CDH12: variants seen among roughly 807,000 people sequenced by gnomAD.
CDH12 encodes cadherin 12.
Under a neutral mutation model 74.1 loss-of-function variants are expected in CDH12, and 41 were observed. The observed-to-expected ratio is 0.55, with a 90% CI of 0.43 to 0.72. CDH12 has a LOEUF of 0.72. Ranked by LOEUF, CDH12 falls within the 30% of genes least tolerant of loss-of-function variation. The pLI, the probability that CDH12 is intolerant of heterozygous loss-of-function variation, is 0.00. For synonymous variants in CDH12, 399 were observed against 355.0 expected, an observed-to-expected ratio of 1.12 and a Z score of -1.39; for missense variants, 945 against 977.2, an observed-to-expected ratio of 0.97 and a Z score of 0.44.
At chr5:22,509,113 C>T (rs780044840) in intron 1 of CDH12, among the ~76,000 whole-genome samples, 4 of 152,142 alleles carry the variant, frequency 2.6e-5, no homozygotes, top group Non-Finnish European at 4.4e-5. Context: ...GAAATATATA[C>T]ACACAATGAA....
At chr5:22,852,454 A>G (rs374779556) in intron 1 of CDH12, among the ~76,000 whole-genome samples, 2 of 152,322 alleles carry the variant, frequency 1.3e-5, no homozygotes, top group South Asian at 4.1e-4. Context: ...AATGCATATT[A>G]TATAACCCAC....
intron 1 of CDH12, among the ~76,000 whole-genome samples, chr5:22,643,455 T>C (rs1449456922): frequency 1.3e-5 from 2 of 152,170 alleles, no homozygotes; most frequent in Non-Finnish European, 2.9e-5. Flanking sequence ...TTAAATCTAT[T>C]CTAGCCTCTT....
At chr5:22,711,302 G>A (rs1418986988) in intron 1 of CDH12, among the ~76,000 whole-genome samples, 2 of 152,052 alleles carry the variant, frequency 1.3e-5, no homozygotes, top group Non-Finnish European at 2.9e-5. Flanking sequence ...TCAAACCAAG[G>A]TGGATAAGTA....
At chr5:22,810,562 T>C (rs2126446114) in intron 1 of CDH12, among the ~76,000 whole-genome samples, 1 of 152,178 alleles carries the variant, frequency 6.6e-6, no homozygotes, top group Admixed American at 6.5e-5. Context: ...CTCTAAAACC[T>C]AGAGAAGGAG....
At chr5:22,577,730 A>G (rs1739864307) in intron 1 of CDH12, among the ~76,000 whole-genome samples, 1 of 152,356 alleles carries the variant, frequency 6.6e-6, no homozygotes, top group South Asian at 2.1e-4. Context: ...AACGGGAAAC[A>G]TACTGGATTA....
chr5:21,791,586 GTAGA>G (rs1305527081), intron 10 of CDH12, among the ~76,000 whole-genome samples: 2 of 151,538 alleles, frequency 1.3e-5, no homozygotes, highest in Admixed American at 1.3e-4. Context: ...TATTTGGTGA[GTAGA>G]TGGGATTTAA....
rs1748555215 is a variant in CDH12, at chr5:21,824,568, A to G, written c.815-7436T>C. On this transcript the variant is annotated intron_variant, in intron 8 of 14. Transcript: ENST00000382254. ...TTGTCATACAATTAGTTTCCCAAAC[A>G]CAGCCTTGTTCTCTTTTCCTTTCTC... is the stretch of plus-strand genomic sequence containing the variant. 2.0e-5 allele frequency among the ~76,000 whole-genome samples: 3 copies of G among 152,188 alleles called. No homozygotes were observed. The South Asian group carries it at 6.2e-4, about 31-fold the overall frequency.
chr5:22,366,503 G>A (rs1416279904), intron 3 of CDH12, among the ~76,000 whole-genome samples: 1 of 151,914 alleles, frequency 6.6e-6, no homozygotes, highest in Non-Finnish European at 1.5e-5. Flanking sequence ...AGGTCCTTCT[G>A]GAGATAAAGT....
At chr5:21,767,962 C>T (rs1416021288) in intron 11 of CDH12, among the ~76,000 whole-genome samples, 1 of 151,538 alleles carries the variant, frequency 6.6e-6, no homozygotes, top group African/African-American at 2.4e-5. Flanking sequence ...AAGTAATGAC[C>T]TATTTTCTTA....
intron 11 of CDH12, among the ~76,000 whole-genome samples, chr5:21,778,375 A>C (rs567155212): frequency 6.8e-6 from 1 of 147,402 alleles, no homozygotes; most frequent in Admixed American, 7.0e-5. Context: ...TTACTTTATT[A>C]TATTGTTAAT....
In CDH12 at chr5:21,981,363, T is replaced by A. The variant is rs1324255173; in HGVS notation, c.232-5978A>T. 9.9e-5 allele frequency among the ~76,000 whole-genome samples: 15 copies of A among 152,210 alleles called. No homozygotes were observed. The Middle Eastern group carries it at 0.01, about 104-fold the overall frequency. On this transcript the variant is annotated intron_variant, in intron 5 of 14. Coordinates refer to ENST00000382254, the MANE Select transcript of CDH12 (RefSeq NM_004061.5). ...TCATCTGTATACTTACCTCCTAGTC[T>A]ATATATTTTTTACATACTGTTTATA...
At chr5:21,995,820 A>G (rs1244545754) in intron 5 of CDH12, among the ~76,000 whole-genome samples, 1 of 152,054 alleles carries the variant, frequency 6.6e-6, no homozygotes, top group African/African-American at 2.4e-5. Flanking sequence ...ATTGCATAAA[A>G]AAAAGCCCAC....
chr5:22,112,776 G>A (rs1388202342), intron 4 of CDH12, among the ~76,000 whole-genome samples: 2 of 152,072 alleles, frequency 1.3e-5, no homozygotes, highest in Admixed American at 1.3e-4. Context: ...AAAAATCCCT[G>A]CACATGATTA....
chr5:22,674,801 A>G (rs1305708351), intron 1 of CDH12, among the ~76,000 whole-genome samples: 6 of 152,146 alleles, frequency 3.9e-5, no homozygotes, highest in Non-Finnish European at 7.4e-5. Flanking sequence ...ACAGACTGGT[A>G]GCATTTTGCC....
At chr5:22,142,056 T>C (rs1246619095) in intron 4 of CDH12, among the ~76,000 whole-genome samples, 1 of 152,108 alleles carries the variant, frequency 6.6e-6, no homozygotes, top group Non-Finnish European at 1.5e-5. Context: ...ATGGTGTTGC[T>C]ATAAACTGGA....
At chr5:22,713,995 G>C (rs559347432) in intron 1 of CDH12, among the ~76,000 whole-genome samples, 17 of 152,234 alleles carry the variant, frequency 1.1e-4, no homozygotes, top group Non-Finnish European at 1.9e-4. Flanking sequence ...TGTTGTCCTT[G>C]TCCTATTTCA....
intron 1 of CDH12, among the ~76,000 whole-genome samples, chr5:22,809,732 T>C (rs1333835234): frequency 6.6e-6 from 1 of 152,084 alleles, no homozygotes; most frequent in Non-Finnish European, 1.5e-5. Flanking sequence ...ATTCTGATAC[T>C]GGAAAAAAAC....
At chr5:22,303,945 T>C (rs1192632288) in intron 3 of CDH12, among the ~76,000 whole-genome samples, 6 of 152,118 alleles carry the variant, frequency 3.9e-5, no homozygotes. Flanking sequence ...ATCATATTAA[T>C]CATTAATACA....
intron 3 of CDH12, among the ~76,000 whole-genome samples, chr5:22,239,916 A>G (rs963821051): frequency 6.6e-6 from 1 of 152,192 alleles, no homozygotes; most frequent in Non-Finnish European, 1.5e-5. Flanking sequence ...ATATGAAGGT[A>G]GCTCCCTCTA....
Sources: allele counts gnomAD v4.1 joint callset (sites outside exome capture counted in the v4.1 genomes callset), GRCh38; gene constraint gnomAD v4.1.1; transcripts MANE v1.5; gene names NCBI Gene and HGNC (gene_info 2026-07-23, HGNC 2026-07-21).